MAPK8IP3: variants seen among roughly 807,000 people sequenced by gnomAD.
MAPK8IP3 encodes the protein C-Jun-amino-terminal kinase-interacting protein 3.
Under a neutral mutation model 157.8 loss-of-function variants are expected in MAPK8IP3, and 49 were observed. The observed-to-expected ratio is 0.31, with a 90% CI of 0.25 to 0.39. The LOEUF (loss-of-function observed/expected upper bound fraction) is 0.39, where lower values mean the gene tolerates loss of function less well. Ranked by LOEUF, MAPK8IP3 falls within the 10% of genes least tolerant of loss-of-function variation. The pLI, the probability that MAPK8IP3 is intolerant of heterozygous loss-of-function variation, is 1.00. For synonymous variants in MAPK8IP3, 897 were observed against 777.7 expected (o/e 1.15, Z -2.55); for missense variants, 1,478 against 1,889.4 (o/e 0.78, Z 4.04).
In MAPK8IP3 at chr16:1,770,315, G is replaced by A. The variant is rs2042545396; in HGVS notation, c.*1491G>A. 2 of 288,472 alleles carry A rather than the reference G, an allele frequency of 6.9e-6. No individual in the cohort carries two copies. The highest frequency in any genetic ancestry group is 1.3e-5 in the Non-Finnish European group (2 of 154,828). 17.9% of individuals were successfully genotyped at this position (288,472 alleles called of 1,614,324 possible). On this transcript the variant is annotated 3_prime_UTR_variant, in exon 32 of 32. Coordinates refer to ENST00000610761, the MANE Select transcript of MAPK8IP3 (RefSeq NM_001318852.2). The stretch of plus-strand genomic sequence containing the variant: ...TGTATGTAATAAATGTCTTAACGTC[G>A]TAGCTGCCTGTTCCTGGGCCCAAAT...
chr16:1,760,155 C>G, intron 11 of MAPK8IP3, 140 bp downstream of exon 11: 1 of 1,049,194 alleles, frequency 9.5e-7, no homozygotes, highest in Non-Finnish European at 1.4e-6. Flanking sequence ...GCGGGAGGAA[C>G]TTGGAGCAGG....
chr16:1,735,650 ACCAT>A (rs891967549), intron 4 of MAPK8IP3, among the ~76,000 whole-genome samples: 2 of 128,922 alleles, frequency 1.6e-5, no homozygotes, highest in African/African-American at 3.1e-5. Flanking sequence ...TGTGAGTGTG[ACCAT>A]CCATGTGAGC....
intron 4 of MAPK8IP3, among the ~76,000 whole-genome samples, chr16:1,740,071 C>CAT (rs1555450581): frequency 1.5e-5 from 1 of 65,650 alleles, no homozygotes; most frequent in Non-Finnish European, 2.7e-5. Context: ...TCCGTGTGAG[C>CAT]GTGAGCATCC....
At chr16:1,740,935 C>A (rs560552084) in intron 4 of MAPK8IP3, among the ~76,000 whole-genome samples, 1 of 152,202 alleles carries the variant, frequency 6.6e-6, no homozygotes, top group South Asian at 2.1e-4. Flanking sequence ...AGCTGGGCAG[C>A]GCCGTCCAGG....
In MAPK8IP3 at chr16:1,743,435, C is replaced by G. The variant is rs2040794102; in HGVS notation, c.706C>G (p.Leu236Val). The change falls in exon 5 of 32, where the codon CTG (leucine) becomes GTG (valine). Residue 236 changes from leucine to valine, a missense_variant. Physicochemically the swap from Leu to Val is conservative, Grantham distance 32. Coordinates refer to ENST00000610761, the MANE Select transcript of MAPK8IP3 (RefSeq NM_001318852.2). This position sits in a 1 kb window ranked among gnomAD's most constrained non-coding sequence, Gnocchi z 5.6. Reference sequence around the variant, plus strand: ...CGTGCCTGCGGGGGACCACTGGCACCTGAGTGACCTCGGCCAGCTGCAGTC... The same window carrying G: ...CGTGCCTGCGGGGGACCACTGGCACGTGAGTGACCTCGGCCAGCTGCAGTC... ...KLVPAGDHWH[L>V]SDLGQLQSSS... The G allele has an allele frequency of 6.2e-7, 1 of 1,609,860 alleles. No homozygotes were observed. The highest frequency in any genetic ancestry group is 8.5e-7 in the Non-Finnish European group (1 of 1,178,724).
chr16:1,766,659 C>G lies in MAPK8IP3; in HGVS notation c.2939+11C>G. ...AGCCCAGAACGGCTGGTAGGAAGGG[C>G]CCGGGGCAAGGTGGAGGGAGGGTCC... On this transcript the variant is annotated intron_variant, in intron 23 of 31. Coordinates refer to ENST00000610761, the MANE Select transcript of MAPK8IP3 (RefSeq NM_001318852.2). 6.2e-7 allele frequency: 1 copy of G among 1,612,318 alleles called. No homozygotes were observed.
chr16:1,760,783 C>T (rs2041886671), intron 12 of MAPK8IP3, among the ~76,000 whole-genome samples: 1 of 152,252 alleles, frequency 6.6e-6, no homozygotes, highest in African/African-American at 2.4e-5. Context: ...CATCCCACTC[C>T]TCCAGCCCTT....
intron 4 of MAPK8IP3, among the ~76,000 whole-genome samples, chr16:1,737,618 G>A (rs2040095608): frequency 1.1e-5 from 1 of 94,688 alleles, no homozygotes; most frequent in South Asian, 6.6e-4. Context: ...CCGTCCGTGT[G>A]TGTGACCATC....
chr16:1,761,160 C>T (rs1476379800), intron 12 of MAPK8IP3, 64 bp from the exon 13 acceptor site: 12 of 1,343,820 alleles, frequency 8.9e-6, no homozygotes, highest in East Asian at 4.6e-5. Context: ...GGGCACTGCC[C>T]GCTATGTGTT....
At chr16:1,726,795 C>T (rs1331453846) in intron 2 of MAPK8IP3, among the ~76,000 whole-genome samples, 5 of 152,208 alleles carry the variant, frequency 3.3e-5, no homozygotes, top group African/African-American at 4.8e-5. Flanking sequence ...TCTGCCCCAG[C>T]GGGAGCTCAC....
In MAPK8IP3 at chr16:1,741,442, G is replaced by A. The variant is rs1159469934; in HGVS notation, c.603-1890G>A. ...ATGGAGCTGTGTGGGTGGGAGAGCC[G>A]TACATGCATTCCCTTGGCCTCCTGG... On this transcript the variant is annotated intron_variant, in intron 4 of 31. Transcript: ENST00000610761. The surrounding 1 kb of genome is among the most constrained non-coding windows in gnomAD (Gnocchi z 6.9). Among the ~76,000 whole-genome samples the A allele has an allele frequency of 2.6e-5, 4 of 152,138 alleles. No homozygotes were observed. The highest frequency in any genetic ancestry group is 2.1e-4 in the South Asian group (1 of 4,830).
rs763214682 is a variant in MAPK8IP3, at chr16:1,746,998, C to T, written c.748-31C>T. ...CGCAGGCCAGGGACCTGCAGTGACT[C>T]GCTCTCCCTCCTCCCTGTGTTTGGC... On this transcript the variant is annotated intron_variant, in intron 5 of 31. Coordinates refer to ENST00000610761, the MANE Select transcript of MAPK8IP3 (RefSeq NM_001318852.2). 1.8e-4 allele frequency: 283 copies of T among 1,607,208 alleles called. 1 individual carries two copies. The East Asian group carries it at 4.9e-3, about 28-fold the overall frequency.
At chr16:1,754,986 G>C (rs952475928) in intron 8 of MAPK8IP3, among the ~76,000 whole-genome samples, 1 of 152,212 alleles carries the variant, frequency 6.6e-6, no homozygotes, top group Non-Finnish European at 1.5e-5. Flanking sequence ...ATACCCACAT[G>C]CTTGTTGGAG....
chr16:1,760,373 T>G lies in MAPK8IP3; in HGVS notation c.1305-7T>G. 6.2e-7 allele frequency: 1 copy of G among 1,604,908 alleles called. No individual in the cohort carries two copies. The highest frequency in any genetic ancestry group is 8.5e-7 in the Non-Finnish European group (1 of 1,173,140). ...CGTGGCACTCCCATCTTTCTGCTTT[T>G]TCAAAGAAACGCCTTGAATGTGGTG... On this transcript the variant is annotated splice_polypyrimidine_tract_variant and splice_region_variant and intron_variant, in intron 11 of 31. Coordinates refer to ENST00000610761, the MANE Select transcript of MAPK8IP3 (RefSeq NM_001318852.2).
Position 1,706,400 on chromosome 16 carries a change from T to G in MAPK8IP3, c.61T>G (p.Ser21Ala). ...GGTGGTGTACCAGGACGACTACTGC[T>G]CCGGCTCGGTGATGTCGGAGCGGGT... ...GVVVYQDDYC[S>A]GSVMSERVSG... The change falls in exon 1 of 32, where the codon TCC (serine) becomes GCC (alanine). Residue 21 changes from serine (S) to alanine (A), a missense_variant. This residue lies in a region of MAPK8IP3 where 29 missense variants were observed against 29.8 expected (regional missense o/e 0.97). Coordinates refer to ENST00000610761, the MANE Select transcript of MAPK8IP3 (RefSeq NM_001318852.2). The surrounding 1 kb of genome is among the most constrained non-coding windows in gnomAD (Gnocchi z 5.1). 6.2e-7 allele frequency: 1 copy of G among 1,613,252 alleles called. No individual in the cohort carries two copies. The highest frequency in any genetic ancestry group is 1.1e-5 in the South Asian group (1 of 90,996).
rs779247830 is a variant in MAPK8IP3 at position 1,724,148 on chromosome 16, A to G, written c.319-409A>G. Among the ~76,000 whole-genome samples the G allele has an allele frequency of 6.6e-6, 1 of 152,212 alleles. No homozygotes were observed. The highest frequency in any genetic ancestry group is 1.5e-5 in the Non-Finnish European group (1 of 68,032). ...TGTAAAAATGGAAACACAGGGCTCT[A>G]TGTTCAAAAATTAGCAACATTTCAA... is the stretch of plus-strand genomic sequence containing the variant. On this transcript the variant is annotated intron_variant, in intron 1 of 31. Transcript: ENST00000610761. This position sits in a 1 kb window ranked among gnomAD's most constrained non-coding sequence, Gnocchi z 4.1.
intron 4 of MAPK8IP3, among the ~76,000 whole-genome samples, chr16:1,737,081 C>A (rs1426297318): frequency 1.4e-5 from 1 of 69,226 alleles, no homozygotes; most frequent in Non-Finnish European, 2.7e-5. Flanking sequence ...AGCGTGTGAC[C>A]GTCCGTGTGA....
rs556998928 is a variant in MAPK8IP3, at chr16:1,757,274, T to C, written c.1217-874T>C. Among the ~76,000 whole-genome samples the C allele has an allele frequency of 4.6e-5, 7 of 152,170 alleles. No homozygotes were observed. The East Asian group carries it at 1.4e-3, about 30-fold the overall frequency. On this transcript the variant is annotated intron_variant, in intron 8 of 31. Coordinates refer to ENST00000610761, the MANE Select transcript of MAPK8IP3 (RefSeq NM_001318852.2). ...TGCCCGCTACCAGGTCTGGCTGATTTTTTGTATTTTTAGTAGAGACGGGGT... is the reference window on the plus strand; with the variant it reads ...TGCCCGCTACCAGGTCTGGCTGATTCTTTGTATTTTTAGTAGAGACGGGGT...
intron 4 of MAPK8IP3, among the ~76,000 whole-genome samples, chr16:1,731,163 A>G (rs2039293754): frequency 6.6e-6 from 1 of 151,838 alleles, no homozygotes; most frequent in East Asian, 1.9e-4. Flanking sequence ...TAAATAATAA[A>G]TCATAAAAAT....
Sources: gnomAD v4.1 joint callset for allele counts (sites outside exome capture counted in the v4.1 genomes callset) on GRCh38, gnomAD v4.1.1 for gene constraint, gnomAD v4.1.1 regional missense constraint, Gnocchi (gnomAD v3.1) non-coding constraint, MANE v1.5 for transcripts, NCBI Gene and HGNC (gene_info 2026-07-23, HGNC 2026-07-21) for gene names.